The following SSBP2 variants were observed in gnomAD, a reference collection of about 807,000 sequenced individuals.
The protein encoded by SSBP2 is single stranded DNA binding protein 2.
In SSBP2, 17 loss-of-function variants were observed where a neutral mutation model predicts 61.8. The observed-to-expected ratio is 0.28, with a 90% confidence interval of 0.19 to 0.41. SSBP2 has a LOEUF of 0.41. Among genes scored for constraint, SSBP2 ranks in the 10% least tolerant of loss-of-function variants. The probability of loss-of-function intolerance (pLI) is 1.00; values close to 1 mark genes in which losing one functional copy is unlikely to be tolerated. For missense variants in SSBP2, 310 were observed against 458.7 expected (o/e 0.68, Z 2.96); for synonymous variants, 139 against 141.3 (o/e 0.98, Z 0.12).
intron 5 of SSBP2, among the ~76,000 whole-genome samples, chr5:81,490,084 AT>A (rs1766739959): frequency 6.6e-6 from 1 of 151,930 alleles, no homozygotes; most frequent in Non-Finnish European, 1.5e-5. Flanking sequence ...TTCTTTGCAT[AT>A]TTTGACCCTA....
At chr5:81,745,003 A>G (rs1757262281) in intron 1 of SSBP2, among the ~76,000 whole-genome samples, 1 of 152,160 alleles carries the variant, frequency 6.6e-6, no homozygotes, top group African/African-American at 2.4e-5. Context: ...TCCTATAATT[A>G]TAAGAAAAAC....
chr5:81,502,678 T>C (rs1168805013), intron 5 of SSBP2, among the ~76,000 whole-genome samples: 1 of 152,206 alleles, frequency 6.6e-6, no homozygotes, highest in Non-Finnish European at 1.5e-5. Context: ...TGAAGTTTTA[T>C]ACACATCAGT....
At chr5:81,513,397 CTTTCT>C (rs932508960) in intron 5 of SSBP2, among the ~76,000 whole-genome samples, 6 of 151,980 alleles carry the variant, frequency 3.9e-5, no homozygotes, top group African/African-American at 1.4e-4. Flanking sequence ...AATTCCTTTT[CTTTCT>C]TAATTGAGCA....
chr5:81,455,357 C>A (rs1764067499), intron 10 of SSBP2, among the ~76,000 whole-genome samples: 1 of 53,722 alleles, frequency 1.9e-5, no homozygotes, highest in Admixed American at 1.7e-4. Context: ...CGGTGGCTCA[C>A]GCCTGTAATC....
intron 15 of SSBP2, 89 bp from the exon 16 acceptor site, chr5:81,428,772 C>A: frequency 1.2e-6 from 1 of 856,490 alleles, no homozygotes; most frequent in South Asian, 1.5e-5. Flanking sequence ...AACAGCATCC[C>A]TAAGGACAAA....
chr5:81,742,176 C>G (rs1757068151), intron 1 of SSBP2, among the ~76,000 whole-genome samples: 1 of 151,968 alleles, frequency 6.6e-6, no homozygotes, highest in African/African-American at 2.4e-5. Flanking sequence ...ATTTTGAAAA[C>G]TATAAAGTAC....
intron 4 of SSBP2, among the ~76,000 whole-genome samples, chr5:81,588,862 G>A (rs1043258872): frequency 1.3e-5 from 2 of 152,100 alleles, no homozygotes; most frequent in Admixed American, 6.6e-5. Context: ...CCAAGAGTTG[G>A]AGACCAGCCT....
chr5:81,608,628 A>G (rs1477056182), intron 4 of SSBP2, among the ~76,000 whole-genome samples: 1 of 152,220 alleles, frequency 6.6e-6, no homozygotes, highest in Admixed American at 6.5e-5. Flanking sequence ...TTTCTTATCT[A>G]TTCAAATGAC....
At chr5:81,620,238 T>A (rs1304200861) in intron 3 of SSBP2, among the ~76,000 whole-genome samples, 1 of 107,060 alleles carries the variant, frequency 9.3e-6, no homozygotes, top group Non-Finnish European at 1.9e-5. Flanking sequence ...CTTAAGCTGA[T>A]AAGCAACTTC....
intron 4 of SSBP2, among the ~76,000 whole-genome samples, chr5:81,564,767 C>T (rs1038872924): frequency 1.4e-4 from 21 of 152,180 alleles, no homozygotes; most frequent in African/African-American, 4.1e-4. Context: ...CGCTAAAGAA[C>T]GGGTCAGATA....
At chr5:81,748,431 T>C (rs1757495926) in intron 1 of SSBP2, among the ~76,000 whole-genome samples, 1 of 152,178 alleles carries the variant, frequency 6.6e-6, no homozygotes, top group Admixed American at 6.5e-5. Context: ...TGTTGCAGAA[T>C]AGTGCCATTA....
chr5:81,501,810 G>A (rs531581271), intron 5 of SSBP2, among the ~76,000 whole-genome samples: 1 of 151,660 alleles, frequency 6.6e-6, no homozygotes, highest in Non-Finnish European at 1.5e-5. Context: ...TGATCCTCCC[G>A]CCTTGGCCTC....
At chr5:81,493,477 C>G (rs959915015) in intron 5 of SSBP2, among the ~76,000 whole-genome samples, 1 of 151,916 alleles carries the variant, frequency 6.6e-6, no homozygotes, top group Non-Finnish European at 1.5e-5. Context: ...AATTGCAGGC[C>G]GGACGTGGTG....
intron 4 of SSBP2, among the ~76,000 whole-genome samples, chr5:81,587,872 A>G (rs1775190202): frequency 6.6e-6 from 1 of 152,222 alleles, no homozygotes; most frequent in African/African-American, 2.4e-5. Flanking sequence ...CATTTCTGTG[A>G]AGATGATGGT....
intron 1 of SSBP2, among the ~76,000 whole-genome samples, chr5:81,724,615 C>T (rs10078216): frequency 0.045 from 6,828 of 152,066 alleles, 198 homozygotes; most frequent in East Asian, 0.12. Context: ...ACCCCCCACA[C>T]CTCACAGCCT....
In SSBP2 at chr5:81,471,713, T is replaced by C. The variant is rs115985361; in HGVS notation, c.570+1987A>G. 3.4e-3 allele frequency among the ~76,000 whole-genome samples: 513 copies of C among 152,116 alleles called. 2 individuals are homozygous for C. The highest frequency in any genetic ancestry group is 0.012 in the African/African-American group (481 of 41,550). Reference sequence around the variant, plus strand: ...TTTTATTAGCTCTTAAGGAAATCCATTGAAAATAACTGAGCCTAAATAAAA... The same window carrying C: ...TTTTATTAGCTCTTAAGGAAATCCACTGAAAATAACTGAGCCTAAATAAAA... On this transcript the variant is annotated intron_variant, in intron 8 of 16. Transcript: ENST00000320672.
intron 1 of SSBP2, among the ~76,000 whole-genome samples, chr5:81,686,579 G>A (rs1023548507): frequency 8.6e-5 from 13 of 151,880 alleles, no homozygotes; most frequent in South Asian, 4.1e-4. Context: ...AAATGGGGCC[G>A]GGCACGGTAG....
intron 1 of SSBP2, among the ~76,000 whole-genome samples, chr5:81,698,044 A>C (rs1390164484): frequency 6.6e-6 from 1 of 152,144 alleles, no homozygotes; most frequent in East Asian, 1.9e-4. Flanking sequence ...CTATCTCCTA[A>C]AATGTTAAAG....
chr5:81,601,007 A>C (rs1013530694), intron 4 of SSBP2, among the ~76,000 whole-genome samples: 2 of 152,230 alleles, frequency 1.3e-5, no homozygotes, highest in African/African-American at 4.8e-5. Context: ...ACTATTACCC[A>C]ATAGTGTAAT....
Sources: gnomAD v4.1 joint callset for allele counts (sites outside exome capture counted in the v4.1 genomes callset) on GRCh38, gnomAD v4.1.1 for gene constraint, MANE v1.5 for transcripts, NCBI Gene and HGNC (gene_info 2026-07-23, HGNC 2026-07-21) for gene names.